DAB1: variants seen among roughly 807,000 people sequenced by gnomAD.
The protein encoded by DAB1 is DAB adaptor protein 1.
In DAB1, 15 loss-of-function variants were observed where a neutral mutation model predicts 64.6. That is an observed-to-expected ratio of 0.23 (90% CI 0.16 to 0.36). The LOEUF is 0.36. Among genes scored for constraint, DAB1 ranks in the 10% least tolerant of loss-of-function variants. The pLI is 1.00. For missense variants in DAB1, 596 were observed against 706.7 expected, an observed-to-expected ratio of 0.84 and a Z score of 1.78; for synonymous variants, 235 against 251.9, an observed-to-expected ratio of 0.93 and a Z score of 0.64.
At chr1:58,476,861 C>T (rs338229) in intron 3 of DAB1, among the ~76,000 whole-genome samples, 143,154 of 152,288 alleles carry the variant, frequency 0.94, 67,467 homozygotes, top group African/African-American at 0.99. Flanking sequence ...GATTTGTTCA[C>T]GTAAGTGGCA....
intron 1 of DAB1, among the ~76,000 whole-genome samples, chr1:57,381,209 C>A (rs557632270): frequency 6.6e-6 from 1 of 152,150 alleles, no homozygotes; most frequent in Non-Finnish European, 1.5e-5. Flanking sequence ...GGTTTTATAA[C>A]TTAAGAAAGA....
chr1:57,736,422 C>T (rs756488254), intron 6 of DAB1, among the ~76,000 whole-genome samples: 50 of 152,066 alleles, frequency 3.3e-4, no homozygotes, highest in Non-Finnish European at 2.6e-4. Flanking sequence ...AAGGAGACAC[C>T]GAATGTTCAT....
chr1:57,313,700 T>G (rs773337562), intron 1 of DAB1, among the ~76,000 whole-genome samples: 1 of 152,214 alleles, frequency 6.6e-6, no homozygotes, highest in Non-Finnish European at 1.5e-5. Context: ...TTATATTACG[T>G]TTATTATTCA....
chr1:57,687,677 G>A (rs1646717403), intron 6 of DAB1, among the ~76,000 whole-genome samples: 1 of 149,294 alleles, frequency 6.7e-6, no homozygotes, highest in East Asian at 2.0e-4. Flanking sequence ...ATACTAAAAG[G>A]CTACAGTAAC....
chr1:57,325,287 T>C (rs901979184), intron 1 of DAB1, among the ~76,000 whole-genome samples: 1 of 152,202 alleles, frequency 6.6e-6, no homozygotes, highest in African/African-American at 2.4e-5. Context: ...TTCTGGGCTC[T>C]TAGCCCGAGT....
chr1:57,838,169 T>C (rs1182845320), intron 1 of DAB1, among the ~76,000 whole-genome samples: 2 of 152,150 alleles, frequency 1.3e-5, no homozygotes, highest in Non-Finnish European at 2.9e-5. Context: ...CTAGGCCGCC[T>C]TATCCCTGTG....
chr1:57,479,582 T>A (rs547824463), intron 7 of DAB1, among the ~76,000 whole-genome samples: 5 of 152,194 alleles, frequency 3.3e-5, no homozygotes, highest in African/African-American at 4.8e-5. Context: ...ATTTTTGGCA[T>A]TCTTGTTGGG....
At chr1:57,836,739 C>A (rs1652825597) in intron 1 of DAB1, among the ~76,000 whole-genome samples, 1 of 152,170 alleles carries the variant, frequency 6.6e-6, no homozygotes, top group Non-Finnish European at 1.5e-5. Flanking sequence ...TAATAGCTAA[C>A]AGAGATCGTA....
At chr1:57,032,440 T>C (rs1646992954) in intron 9 of DAB1, among the ~76,000 whole-genome samples, 1 of 152,254 alleles carries the variant, frequency 6.6e-6, no homozygotes, top group South Asian at 2.1e-4. Flanking sequence ...GGGTCTGACA[T>C]GTGCTCCTCC....
At chr1:57,878,976 G>A (rs1032789089) in intron 1 of DAB1, among the ~76,000 whole-genome samples, 18 of 152,108 alleles carry the variant, frequency 1.2e-4, no homozygotes, top group African/African-American at 3.9e-4. Context: ...TCCTCCAGGC[G>A]TATCCATTTT....
chr1:57,027,939 G>A (rs891986920), intron 9 of DAB1, among the ~76,000 whole-genome samples: 15 of 152,204 alleles, frequency 9.9e-5, no homozygotes, highest in Admixed American at 8.5e-4. Context: ...ACATAAAAAT[G>A]AGAAATGCCA....
intron 5 of DAB1, among the ~76,000 whole-genome samples, chr1:58,136,905 C>T (rs1043608900): frequency 2.0e-5 from 3 of 152,160 alleles, no homozygotes; most frequent in African/African-American, 4.8e-5. Context: ...CTAATTTTAA[C>T]GTCTGAGTTT....
At chr1:58,335,864 A>T (rs1314400274) in intron 4 of DAB1, among the ~76,000 whole-genome samples, 1 of 152,174 alleles carries the variant, frequency 6.6e-6, no homozygotes, top group Non-Finnish European at 1.5e-5. Context: ...GAATTTATGG[A>T]GGGTGGGAGG....
At chr1:57,307,895 C>A (rs535940893) in intron 1 of DAB1, among the ~76,000 whole-genome samples, 1 of 152,272 alleles carries the variant, frequency 6.6e-6, no homozygotes, top group Admixed American at 6.5e-5. Context: ...TCACACCTCC[C>A]AGACCAGGTC....
intron 7 of DAB1, among the ~76,000 whole-genome samples, chr1:57,646,104 G>A (rs1179231530): frequency 6.6e-6 from 1 of 152,080 alleles, no homozygotes; most frequent in Non-Finnish European, 1.5e-5. Flanking sequence ...TATCCAAATG[G>A]GAAAGGCATA....
At chr1:57,834,276 T>C (rs539609370) in intron 1 of DAB1, among the ~76,000 whole-genome samples, 1 of 152,256 alleles carries the variant, frequency 6.6e-6, no homozygotes, top group South Asian at 2.1e-4. Flanking sequence ...TTTGCTGCCA[T>C]ACTCCTACCA....
intron 2 of DAB1, among the ~76,000 whole-genome samples, chr1:57,217,213 G>A (rs990643608): frequency 6.6e-6 from 1 of 152,184 alleles, no homozygotes; most frequent in African/African-American, 2.4e-5. Context: ...CTCTATCACA[G>A]TGCTTAAATG....
intron 5 of DAB1, among the ~76,000 whole-genome samples, chr1:57,903,639 T>C (rs11800156): frequency 0.014 from 2,198 of 152,226 alleles, 38 homozygotes; most frequent in African/African-American, 0.042. Context: ...TATATCCCAA[T>C]TGCGTATTTC....
At chr1:57,062,656 T>C (rs1650516266) in intron 9 of DAB1, among the ~76,000 whole-genome samples, 1 of 152,212 alleles carries the variant, frequency 6.6e-6, no homozygotes, top group Non-Finnish European at 1.5e-5. Flanking sequence ...CTCCCACTCA[T>C]GGGACCAGAC....
Sources: allele counts gnomAD v4.1 joint callset (sites outside exome capture counted in the v4.1 genomes callset), GRCh38; gene constraint gnomAD v4.1.1; transcripts MANE v1.5; gene names NCBI Gene and HGNC (gene_info 2026-07-23, HGNC 2026-07-21).